PPFIA2: variants seen among roughly 807,000 people sequenced by gnomAD.
PPFIA2 encodes PPFI scaffold protein A2.
Under a neutral mutation model 175.5 loss-of-function variants are expected in PPFIA2, and 46 were observed. The ratio of observed to expected loss-of-function variants is 0.26; its 90% confidence interval spans 0.21 to 0.34. PPFIA2 has a LOEUF of 0.34. Ranked by LOEUF, PPFIA2 falls within the 10% of genes least tolerant of loss-of-function variation. The pLI is 1.00. For missense variants in PPFIA2, 1,179 were observed against 1,506.1 expected, an observed-to-expected ratio of 0.78 and a Z score of 3.60; for synonymous variants, 568 against 511.4, an observed-to-expected ratio of 1.11 and a Z score of -1.49.
chr12:81,374,523 A>G (rs903877488), intron 11 of PPFIA2, 111 bp downstream of exon 11: 2 of 1,274,932 alleles, frequency 1.6e-6, no homozygotes, highest in Non-Finnish European at 2.1e-6. Context: ...AATATAATAG[A>G]GATTAAACTT....
chr12:81,591,774 T>C lies in PPFIA2; in HGVS notation c.303+85017A>G, dbSNP rs529692445. ...TTCTGCCTAGATTTCACAGGATGTA[T>C]GGAAATGCCTGGATGCCCAGGCAGA... On this transcript the variant is annotated intron_variant, in intron 4 of 32. Transcript: ENST00000549396. Among the ~76,000 whole-genome samples, 13 of 152,244 alleles carry C rather than the reference T, an allele frequency of 8.5e-5. No homozygotes were observed. In the South Asian group the frequency reaches 2.1e-3, roughly 24 times the overall value.
intron 6 of PPFIA2, among the ~76,000 whole-genome samples, chr12:81,444,367 AC>A (rs2050825925): frequency 6.6e-6 from 1 of 152,200 alleles, no homozygotes; most frequent in Non-Finnish European, 1.5e-5. Flanking sequence ...CCTGACACAT[AC>A]TAAAAATTCT....
At position 81,426,950 on chromosome 12, in the gene PPFIA2, TG is replaced by T. The variant is rs1180149535; in HGVS notation, c.645+13021del. Among the ~76,000 whole-genome samples the T allele has an allele frequency of 3.4e-4, 52 of 152,286 alleles. No homozygotes were observed. In the East Asian group the frequency reaches 3.7e-3, roughly 11 times the overall value. ...ATGTATCTTAAAAACTGTAAATATCTGGATGCTTTAATTAATCTTTTATGTA... is the reference window on the plus strand; with the variant it reads ...ATGTATCTTAAAAACTGTAAATATCTGATGCTTTAATTAATCTTTTATGTA... On this transcript the variant is annotated intron_variant, in intron 7 of 32. Coordinates refer to ENST00000549396, the MANE Select transcript of PPFIA2 (RefSeq NM_003625.5).
intron 4 of PPFIA2, among the ~76,000 whole-genome samples, chr12:81,533,739 A>ATC (rs2064977946): frequency 3.9e-5 from 2 of 51,286 alleles, no homozygotes; most frequent in African/African-American, 2.1e-4. Context: ...ATCTATCTAT[A>ATC]TATCTATCTA....
At chr12:81,484,286 AG>A (rs2058577344) in intron 4 of PPFIA2, among the ~76,000 whole-genome samples, 1 of 151,964 alleles carries the variant, frequency 6.6e-6, no homozygotes, top group South Asian at 2.1e-4. Context: ...ACACTTTGGA[AG>A]AAGGGGTGGT....
intron 3 of PPFIA2, among the ~76,000 whole-genome samples, chr12:81,744,485 C>T (rs940602790): frequency 6.7e-6 from 1 of 149,004 alleles, no homozygotes; most frequent in Non-Finnish European, 1.5e-5. Context: ...TGCAATGGCA[C>T]GATCTCAGCT....
rs534733827 is a variant in PPFIA2 at position 81,555,520 on chromosome 12, T to C, written c.304-97654A>G. On this transcript the variant is annotated intron_variant, in intron 4 of 32. Transcript: ENST00000549396. ...TTTATTATTCTGCAATTCTTGAAAT[T>C]GATAATTTATAAATCTTAACAGGCA... 3.7e-3 allele frequency among the ~76,000 whole-genome samples: 570 copies of C among 152,134 alleles called. 3 individuals carry two copies. The highest frequency in any genetic ancestry group is 0.013 in the African/African-American group (534 of 41,560).
chr12:81,659,358 C>T (rs1157435291), intron 4 of PPFIA2, among the ~76,000 whole-genome samples: 1 of 152,150 alleles, frequency 6.6e-6, no homozygotes, highest in Non-Finnish European at 1.5e-5. Flanking sequence ...TCAGGTCACT[C>T]CCACCCTAAT....
chr12:81,285,704 C>T lies in PPFIA2; in HGVS notation c.2926-1401G>A, dbSNP rs539158297. Among the ~76,000 whole-genome samples, 3 of 152,202 alleles carry T rather than the reference C, an allele frequency of 2.0e-5. No individual in the cohort carries two copies. In the South Asian group the frequency reaches 6.2e-4, roughly 32 times the overall value. ...AATGCTAGTGTAAACAAACCTATTGCACTGCCAGTCGTCTAAAAGTATAGC... is the reference window on the plus strand; with the variant it reads ...AATGCTAGTGTAAACAAACCTATTGTACTGCCAGTCGTCTAAAAGTATAGC... On this transcript the variant is annotated intron_variant, in intron 24 of 32. Transcript: ENST00000549396.
chr12:81,419,589 C>T (rs1332837240), intron 7 of PPFIA2, among the ~76,000 whole-genome samples: 1 of 151,854 alleles, frequency 6.6e-6, no homozygotes, highest in Admixed American at 6.6e-5. Context: ...TTTTCTTTTG[C>T]TATACCTTGT....
chr12:81,271,976 C>A (rs1339097701), intron 28 of PPFIA2, among the ~76,000 whole-genome samples: 1 of 151,838 alleles, frequency 6.6e-6, no homozygotes, highest in African/African-American at 2.4e-5. Context: ...TTTATTAATT[C>A]TCTCTTTACT....
At chr12:81,470,541 G>A (rs1450663468) in intron 4 of PPFIA2, among the ~76,000 whole-genome samples, 5 of 152,086 alleles carry the variant, frequency 3.3e-5, no homozygotes, top group East Asian at 1.9e-4. Context: ...TAGAGTTATC[G>A]TATGGTCTAG....
chr12:81,300,451 T>TTAA (rs1376303357), intron 22 of PPFIA2, among the ~76,000 whole-genome samples: 1 of 152,190 alleles, frequency 6.6e-6, no homozygotes, highest in Non-Finnish European at 1.5e-5. Flanking sequence ...GTAGACTATA[T>TTAA]TAATACATTA....
intron 5 of PPFIA2, among the ~76,000 whole-genome samples, chr12:81,456,910 T>C (rs1242602791): frequency 6.6e-6 from 1 of 152,120 alleles, no homozygotes. Context: ...CCCTTGGAAA[T>C]TTATTAAAAC....
chr12:81,504,071 T>C (rs2060878930), intron 4 of PPFIA2, among the ~76,000 whole-genome samples: 1 of 152,022 alleles, frequency 6.6e-6, no homozygotes, highest in South Asian at 2.1e-4. Context: ...GTGCAGCTAA[T>C]GAGAAATAAT....
At chr12:81,688,802 A>ATATATATATATATATATATAT (rs5799549) in intron 3 of PPFIA2, among the ~76,000 whole-genome samples, 1 of 140,784 alleles carries the variant, frequency 7.1e-6, no homozygotes, top group Admixed American at 7.3e-5. Flanking sequence ...TGGTTTATTA[A>ATATATATATATATATATATAT]ATATATATAT....
intron 4 of PPFIA2, among the ~76,000 whole-genome samples, chr12:81,592,512 G>C (rs1182659883): frequency 1.3e-5 from 2 of 152,038 alleles, no homozygotes; most frequent in Non-Finnish European, 2.9e-5. Context: ...AACCCAGTGG[G>C]GTGTGGTTGA....
intron 4 of PPFIA2, among the ~76,000 whole-genome samples, chr12:81,620,814 C>T (rs930860925): frequency 6.6e-6 from 1 of 152,176 alleles, no homozygotes; most frequent in East Asian, 1.9e-4. Flanking sequence ...CAAATGTAAA[C>T]ATTCCTCTGA....
chr12:81,277,573 C>T (rs2040864722), intron 27 of PPFIA2, 159 bp from the exon 28 acceptor site: 3 of 802,742 alleles, frequency 3.7e-6, no homozygotes, highest in Non-Finnish European at 5.1e-6. Context: ...GAGGGAAATA[C>T]ATTTATAATT....
Sources: allele counts gnomAD v4.1 joint callset (sites outside exome capture counted in the v4.1 genomes callset), GRCh38; gene constraint gnomAD v4.1.1; transcripts MANE v1.5; gene names NCBI Gene and HGNC (gene_info 2026-07-23, HGNC 2026-07-21).